Variants in USP8 observed in about 807,000 individuals in gnomAD.
USP8 encodes the protein ubiquitin specific peptidase 8.
Under a neutral mutation model 130.0 loss-of-function variants are expected in USP8, and 27 were observed. The observed-to-expected ratio is 0.21, with a 90% CI of 0.15 to 0.29. The LOEUF is 0.29. Among genes scored for constraint, USP8 ranks in the 10% least tolerant of loss-of-function variants. The pLI is 1.00. For missense variants in USP8, 1,029 were observed against 1,312.2 expected, an observed-to-expected ratio of 0.78 and a Z score of 3.33; for synonymous variants, 392 against 444.1, an observed-to-expected ratio of 0.88 and a Z score of 1.48.
Position 50,498,688 on chromosome 15 carries a change from C to T in USP8, c.3131C>T (p.Pro1044Leu). The T allele has an allele frequency of 6.2e-7, 1 of 1,612,132 alleles. No homozygotes were observed. The highest frequency in any genetic ancestry group is 2.2e-5 in the East Asian group (1 of 44,826). Residue 1044 changes from proline (P) to leucine (L), a missense_variant, in exon 19 of 20, where the codon CCA (proline) becomes CTA (leucine). Around this residue, in one of 4 missense-constraint regions of USP8, gnomAD observed 257 missense variants for 429.8 expected, o/e 0.60. Transcript: ENST00000307179. Reference sequence around the variant, plus strand: ...GACTTGTCACAGTATGTTATTGGTCCAAAGAACAATTTGAAGAAATATAAT... The same window carrying T: ...GACTTGTCACAGTATGTTATTGGTCTAAAGAACAATTTGAAGAAATATAAT... ...NLDLSQYVIGPKNNLKKYNLF... is the reference protein window; with the variant it reads ...NLDLSQYVIGLKNNLKKYNLF...
chr15:50,474,626 T>C (rs887559110), intron 8 of USP8, among the ~76,000 whole-genome samples: 5 of 152,178 alleles, frequency 3.3e-5, no homozygotes, highest in African/African-American at 4.8e-5. Flanking sequence ...TTGAAATGAA[T>C]GGTTTGGGGA....
intron 3 of USP8, among the ~76,000 whole-genome samples, chr15:50,445,299 A>C (rs1567606772): frequency 6.6e-6 from 1 of 151,600 alleles, no homozygotes; most frequent in Non-Finnish European, 1.5e-5. Flanking sequence ...TAATCCCAGC[A>C]CTTTGGGAGG....
At chr15:50,431,674 G>A (rs1312869958) in intron 1 of USP8, among the ~76,000 whole-genome samples, 1 of 151,828 alleles carries the variant, frequency 6.6e-6, no homozygotes, top group Non-Finnish European at 1.5e-5. Flanking sequence ...TATTTTTTCC[G>A]AGATGGAGTT....
At chr15:50,490,016 T>C in intron 13 of USP8, 135 bp downstream of exon 13, 1 of 878,834 alleles carries the variant, frequency 1.1e-6, no homozygotes, top group Non-Finnish European at 1.7e-6. Context: ...CCCCTAATTA[T>C]AACAGGGTGA....
At chr15:50,469,568 A>G (rs1382694168) in intron 7 of USP8, among the ~76,000 whole-genome samples, 2 of 152,112 alleles carry the variant, frequency 1.3e-5, no homozygotes, top group Admixed American at 6.6e-5. Flanking sequence ...TTAGTAGACA[A>G]TATTTTATAT....
chr15:50,436,673 G>GTTT (rs1394785265), intron 1 of USP8, among the ~76,000 whole-genome samples: 1 of 148,424 alleles, frequency 6.7e-6, no homozygotes, highest in East Asian at 2.0e-4. Flanking sequence ...AATTTTTTTT[G>GTTT]TTTGTTTTTT....
intron 14 of USP8, 26 bp from the exon 15 acceptor site, chr15:50,492,675 C>T: frequency 1.2e-6 from 2 of 1,605,618 alleles, no homozygotes; most frequent in East Asian, 2.2e-5. Flanking sequence ...CATTTTAAGA[C>T]ATCTTGTATC....
At position 50,500,919 on chromosome 15, in the gene USP8, CT is replaced by C. The variant is rs1162875388; in HGVS notation, c.*1836del. ...ACAGAAATGATAGGGCCAAGAGATG[CT>C]TTTTAAATTGTCCCTTATTCTAAAT... On this transcript the variant is annotated 3_prime_UTR_variant, in exon 20 of 20. Transcript: ENST00000307179. 2 of 1,158,534 alleles carry C rather than the reference CT, an allele frequency of 1.7e-6. No individual in the cohort carries two copies. The highest frequency in any genetic ancestry group is 1.5e-5 in the African/African-American group (1 of 65,112). 71.8% of individuals were successfully genotyped at this position (1,158,534 alleles called of 1,614,324 possible).
Position 50,514,309 on chromosome 15 carries a change from G to T in USP8, c.*15221G>T, listed in dbSNP as rs1026216628. 2 of 152,168 alleles carry T rather than the reference G, an allele frequency of 1.3e-5. No individual in the cohort carries two copies. The highest frequency in any genetic ancestry group is 4.8e-5 in the African/African-American group (2 of 41,432). 9.4% of individuals were successfully genotyped at this position (152,168 alleles called of 1,614,324 possible). On this transcript the variant is annotated 3_prime_UTR_variant, in exon 20 of 20. Coordinates refer to ENST00000307179, the MANE Select transcript of USP8 (RefSeq NM_005154.5). ...GCTGGTAACATTCTGTTTAAACTCT[G>T]TTCTGCTGGTTACATGGGTATGTTC...
rs2052619185 is a variant in USP8, at chr15:50,503,538, C to T, written c.*4450C>T. The T allele has an allele frequency of 1.3e-5, 2 of 152,192 alleles. No homozygotes were observed. Among genetic ancestry groups the T allele is most frequent in the African/African-American group, 4.8e-5 (2 of 41,436 alleles). The allele number at this position is 152,192 out of a possible 1,614,324, so 9.4% of individuals were successfully genotyped here. On this transcript the variant is annotated 3_prime_UTR_variant, in exon 20 of 20. Coordinates refer to ENST00000307179, the MANE Select transcript of USP8 (RefSeq NM_005154.5). The stretch of plus-strand genomic sequence containing the variant: ...GCCAGGACCTTTAAAGACATTCACC[C>T]TCAATGGAAGGATTAAAAAACAAAA...
In USP8 at chr15:50,500,908, G is replaced by A. The variant is rs1010365913; in HGVS notation, c.*1820G>A. On this transcript the variant is annotated 3_prime_UTR_variant, in exon 20 of 20. Transcript: ENST00000307179. ...TAACTACTGGAACAGAAATGATAGG[G>A]CCAAGAGATGCTTTTTAAATTGTCC... 9.9e-6 allele frequency: 12 copies of A among 1,212,048 alleles called. No individual in the cohort carries two copies. The highest frequency in any genetic ancestry group is 1.4e-5 in the Non-Finnish European group (12 of 843,824). The allele number at this position is 1,212,048 out of a possible 1,614,324, so 75.1% of individuals were successfully genotyped here.
intron 8 of USP8, 106 bp downstream of exon 8, chr15:50,471,901 C>G: frequency 8.6e-7 from 1 of 1,159,880 alleles, no homozygotes; most frequent in Non-Finnish European, 1.2e-6. Flanking sequence ...ATTCATCATG[C>G]CTTTTTTTTT....
In USP8 at chr15:50,505,337, C is replaced by T. The variant is rs984173786; in HGVS notation, c.*6249C>T. ...AATCTAACCTGCTGGTAGAAGTTCT[C>T]CATAGCAGCCATAGAAATCAGAGAC... On this transcript the variant is annotated 3_prime_UTR_variant, in exon 20 of 20. Transcript: ENST00000307179. 3.3e-5 allele frequency: 5 copies of T among 152,100 alleles called. No individual in the cohort carries two copies. The highest frequency in any genetic ancestry group is 6.5e-5 in the Admixed American group (1 of 15,276). 9.4% of individuals were successfully genotyped at this position (152,100 alleles called of 1,614,324 possible). A position where few individuals can be genotyped will look rare whatever the true frequency, so the allele number is the denominator to read the frequency against.
chr15:50,434,829 A>C (rs1300550002), intron 1 of USP8, among the ~76,000 whole-genome samples: 1 of 152,156 alleles, frequency 6.6e-6, no homozygotes, highest in African/African-American at 2.4e-5. Flanking sequence ...CATGTTGGCC[A>C]GGCTGGTCTC....
At chr15:50,461,042 G>C (rs968029791) in intron 5 of USP8, among the ~76,000 whole-genome samples, 1 of 151,868 alleles carries the variant, frequency 6.6e-6, no homozygotes, top group Non-Finnish European at 1.5e-5. Flanking sequence ...GCCCAGGCTG[G>C]AGTGCAGTGG....
At chr15:50,431,165 C>CTGTGTGTGTTTGTGTGTGTGTGTG (rs2049920668) in intron 1 of USP8, among the ~76,000 whole-genome samples, 1 of 140,880 alleles carries the variant, frequency 7.1e-6, no homozygotes, top group Non-Finnish European at 1.5e-5. Context: ...GTGTGTGCCT[C>CTGTGTGTGTTTGTGTGTGTGTGTG]TGTGTGTGTG....
intron 1 of USP8, among the ~76,000 whole-genome samples, chr15:50,432,003 G>A (rs1338992953): frequency 6.6e-6 from 1 of 152,142 alleles, no homozygotes; most frequent in African/African-American, 2.4e-5. Flanking sequence ...CTGTCCTCAA[G>A]GCCAGGTTCT....
chr15:50,455,408 T>C (rs2050759464), intron 4 of USP8, among the ~76,000 whole-genome samples: 1 of 143,414 alleles, frequency 7.0e-6, no homozygotes, highest in Non-Finnish European at 1.6e-5. Flanking sequence ...GGTTCTTTTT[T>C]ATAGCGTCTA....
intron 4 of USP8, among the ~76,000 whole-genome samples, chr15:50,449,815 T>C (rs1201563150): frequency 6.6e-6 from 1 of 151,478 alleles, no homozygotes; most frequent in Non-Finnish European, 1.5e-5. Flanking sequence ...TCTCCTGACC[T>C]TCTGATCCTC....
Sources: gnomAD v4.1 joint callset for allele counts (sites outside exome capture counted in the v4.1 genomes callset) on GRCh38, gnomAD v4.1.1 for gene constraint, gnomAD v4.1.1 regional missense constraint, MANE v1.5 for transcripts, NCBI Gene and HGNC (gene_info 2026-07-23, HGNC 2026-07-21) for gene names.